TENM3: variants seen among roughly 807,000 people sequenced by gnomAD.
TENM3 encodes the protein teneurin-3.
A neutral mutation model predicts 255.1 loss-of-function variants in TENM3; 63 were observed. The observed-to-expected ratio is 0.25, with a 90% CI of 0.20 to 0.30. The LOEUF is 0.30. Ranked by LOEUF, TENM3 falls within the 10% of genes least tolerant of loss-of-function variation. The pLI, the probability that TENM3 is intolerant of heterozygous loss-of-function variation, is 1.00. For synonymous variants in TENM3, 1,306 were observed against 1,322.3 expected (o/e 0.99, Z 0.27); for missense variants, 2,929 against 3,461.1 (o/e 0.85, Z 3.86).
chr4:181,717,560 A>G, the TENM3 span, among the ~76,000 whole-genome samples: 1 of 152,204 alleles, frequency 6.6e-6, no homozygotes, highest in African/African-American at 2.4e-5. Flanking sequence ...AGTCTAACCA[A>G]TGTGGTATAT....
chr4:182,515,254 A>G (rs370343943), intron 3 of TENM3, among the ~76,000 whole-genome samples: 159 of 152,332 alleles, frequency 1.0e-3, no homozygotes, highest in African/African-American at 3.6e-3. Context: ...GATGTGGGTG[A>G]CAGTCACTAA....
the TENM3 span, among the ~76,000 whole-genome samples, chr4:181,600,541 T>C: frequency 6.6e-5 from 10 of 151,992 alleles, no homozygotes; most frequent in Admixed American, 3.3e-4. Flanking sequence ...GCTCCTTGCA[T>C]TTCTGACTTG....
chr4:182,073,593 C>A, the TENM3 span, among the ~76,000 whole-genome samples: 1 of 152,112 alleles, frequency 6.6e-6, no homozygotes, highest in Non-Finnish European at 1.5e-5. Flanking sequence ...AAGGTGTTGG[C>A]CTCATGTAGC....
chr4:181,762,923 A>AC, the TENM3 span, among the ~76,000 whole-genome samples: 1 of 151,746 alleles, frequency 6.6e-6, no homozygotes, highest in Non-Finnish European at 1.5e-5. Flanking sequence ...GGTAGTAAAA[A>AC]AAAAACGAGA....
the TENM3 span, among the ~76,000 whole-genome samples, chr4:181,568,475 C>A: frequency 6.6e-6 from 1 of 152,092 alleles, no homozygotes; most frequent in Non-Finnish European, 1.5e-5. Context: ...CAGGCGTGAG[C>A]CACTACACCT....
At chr4:182,268,526 A>G (rs1212272345) in intron 1 of TENM3, among the ~76,000 whole-genome samples, 4 of 152,276 alleles carry the variant, frequency 2.6e-5, no homozygotes, top group Middle Eastern at 3.4e-3. Flanking sequence ...GCTGGGTAAA[A>G]TGAGTCTAAC....
At chr4:182,258,357 A>G (rs1455709294) in intron 1 of TENM3, among the ~76,000 whole-genome samples, 2 of 152,194 alleles carry the variant, frequency 1.3e-5, no homozygotes, top group African/African-American at 4.8e-5. Flanking sequence ...ACAATTAATA[A>G]CTTATATCCA....
chr4:181,634,326 C>T, the TENM3 span, among the ~76,000 whole-genome samples: 3 of 151,860 alleles, frequency 2.0e-5, no homozygotes, highest in Admixed American at 6.6e-5. Flanking sequence ...AAAAATTCAG[C>T]CTCTCCAACA....
At chr4:182,174,279 G>T (rs1752301635) in intron 1 of TENM3, among the ~76,000 whole-genome samples, 1 of 151,036 alleles carries the variant, frequency 6.6e-6, no homozygotes, top group South Asian at 2.1e-4. Flanking sequence ...AACAAACATA[G>T]ATCATCTATT....
chr4:181,458,087 G>T, the TENM3 span, among the ~76,000 whole-genome samples: 1 of 151,776 alleles, frequency 6.6e-6, no homozygotes, highest in African/African-American at 2.4e-5. Flanking sequence ...CTATTGTACC[G>T]CAAACAATTG....
chr4:182,145,290 G>C (rs1285425995), intron 1 of TENM3: 3 of 152,506 alleles, frequency 2.0e-5, no homozygotes, highest in African/African-American at 7.2e-5. Context: ...GAGGGAGAGT[G>C]CGGGGCGAGG....
At chr4:182,434,734 A>T (rs982392584) in intron 3 of TENM3, among the ~76,000 whole-genome samples, 7 of 152,152 alleles carry the variant, frequency 4.6e-5, no homozygotes, top group East Asian at 3.9e-4. Flanking sequence ...AGAGATTATT[A>T]TCAGGGTATA....
At position 182,284,960 on chromosome 4, in the gene TENM3, G is replaced by A. The variant is rs115044656; in HGVS notation, c.-75-38986G>A. On this transcript the variant is annotated intron_variant, in intron 1 of 27. Coordinates refer to ENST00000511685, the MANE Select transcript of TENM3 (RefSeq NM_001080477.4). ...CTTCCCTCTGTTTGATACCTTTTTG[G>A]GAATCTGGGTCAAAGAGGCACAAGT... Among the ~76,000 whole-genome samples, 648 of 152,112 alleles carry A rather than the reference G, an allele frequency of 4.3e-3. 5 individuals carry two copies. The highest frequency in any genetic ancestry group is 0.015 in the African/African-American group (619 of 41,484).
the TENM3 span, among the ~76,000 whole-genome samples, chr4:181,779,960 C>T: frequency 6.6e-6 from 1 of 152,194 alleles, no homozygotes; most frequent in African/African-American, 2.4e-5. Flanking sequence ...CTACAAAGGA[C>T]ATGAACTCAT....
At chr4:181,651,712 A>G in the TENM3 span, among the ~76,000 whole-genome samples, 1 of 152,156 alleles carries the variant, frequency 6.6e-6, no homozygotes, top group South Asian at 2.1e-4. Context: ...ACACCAAGGA[A>G]CGCTGAACTT....
chr4:182,446,180 C>T (rs995791222), intron 3 of TENM3, among the ~76,000 whole-genome samples: 9 of 152,142 alleles, frequency 5.9e-5, no homozygotes, highest in Admixed American at 2.0e-4. Context: ...TGCTCAGCTT[C>T]GTTCAGTGTA....
chr4:182,778,765 T>C (rs1364358382), intron 24 of TENM3, among the ~76,000 whole-genome samples: 1 of 152,104 alleles, frequency 6.6e-6, no homozygotes, highest in Non-Finnish European at 1.5e-5. Flanking sequence ...TTTTTTTCCA[T>C]GCTTACTTAA....
chr4:181,450,947 G>A, the TENM3 span, among the ~76,000 whole-genome samples: 1,587 of 152,252 alleles, frequency 0.01, 17 homozygotes, highest in Admixed American at 0.017. Context: ...ATTCTCTCAG[G>A]TTACACATAT....
chr4:181,546,258 C>T, the TENM3 span, among the ~76,000 whole-genome samples: 1 of 152,186 alleles, frequency 6.6e-6, no homozygotes, highest in Non-Finnish European at 1.5e-5. Context: ...CTTTTTCCTT[C>T]TTCATGGCCA....
Sources: gnomAD v4.1 joint callset for allele counts (sites outside exome capture counted in the v4.1 genomes callset) on GRCh38, gnomAD v4.1.1 for gene constraint, MANE v1.5 for transcripts, NCBI Gene and HGNC (gene_info 2026-07-23, HGNC 2026-07-21) for gene names.